The following WTIP variants were observed in gnomAD, a reference collection of about 807,000 sequenced individuals.
WTIP encodes the protein Wilms tumor protein 1-interacting protein.
A neutral mutation model predicts 41.7 loss-of-function variants in WTIP; 23 were observed. The ratio of observed to expected loss-of-function variants is 0.55; its 90% confidence interval spans 0.40 to 0.78. The LOEUF (loss-of-function observed/expected upper bound fraction) is 0.78, where lower values mean the gene tolerates loss of function less well. Among genes scored for constraint, WTIP ranks in the 30% least tolerant of loss-of-function variants. The probability of loss-of-function intolerance (pLI) is 0.00; values close to 1 mark genes in which losing one functional copy is unlikely to be tolerated. For missense variants in WTIP, 619 were observed against 610.5 expected (o/e 1.01, Z -0.15); for synonymous variants, 314 against 269.9 (o/e 1.16, Z -1.60).
intron 1 of WTIP, among the ~76,000 whole-genome samples, chr19:34,485,767 TTA>T (rs1246901447): frequency 2.0e-5 from 3 of 152,138 alleles, no homozygotes; most frequent in African/African-American, 7.2e-5. Context: ...CTACATTTTT[TTA>T]TGTTTTGTAG....
intron 7 of WTIP, among the ~76,000 whole-genome samples, chr19:34,496,137 A>G (rs1247400502): frequency 6.6e-6 from 1 of 152,140 alleles, no homozygotes; most frequent in African/African-American, 2.4e-5. Context: ...AGCCTGGGCA[A>G]CAAGAGTGAG....
In WTIP at chr19:34,502,154, A is replaced by C. The variant is rs2075890823; in HGVS notation, c.*1885A>C. 1 of 151,514 alleles carries C rather than the reference A, an allele frequency of 6.6e-6. No individual in the cohort carries two copies. Among genetic ancestry groups the C allele is most frequent in the African/African-American group, 2.4e-5 (1 of 41,088 alleles). 9.4% of individuals were successfully genotyped at this position (151,514 alleles called of 1,614,324 possible). A position where few individuals can be genotyped will look rare whatever the true frequency, so the allele number is the denominator to read the frequency against. On this transcript the variant is annotated 3_prime_UTR_variant, in exon 8 of 8. Transcript: ENST00000590071. Reference sequence around the variant, plus strand: ...TTTTTAGTAGAGATGGGGTTTCACCATGTTGGTCAGGCTGGTCTCCAACTG... The same window carrying C: ...TTTTTAGTAGAGATGGGGTTTCACCCTGTTGGTCAGGCTGGTCTCCAACTG...
rs527411808 is a variant in WTIP at position 34,509,831 on chromosome 19, C to G, written c.*9562C>G. On this transcript the variant is annotated 3_prime_UTR_variant, in exon 8 of 8. Coordinates refer to ENST00000590071, the MANE Select transcript of WTIP (RefSeq NM_001080436.2). ...GGCCAAAACAAAGGGGTTACAGGACCCATGCAAGTCCAAAATCCAGCGGGG... is the reference window on the plus strand; with the variant it reads ...GGCCAAAACAAAGGGGTTACAGGACGCATGCAAGTCCAAAATCCAGCGGGG... 33 of 152,246 alleles carry G rather than the reference C, an allele frequency of 2.2e-4. No homozygotes were observed. The highest frequency in any genetic ancestry group is 7.5e-4 in the African/African-American group (31 of 41,546). The allele number at this position is 152,246 out of a possible 1,614,324, so 9.4% of individuals were successfully genotyped here. A position where few individuals can be genotyped will look rare whatever the true frequency, so the allele number is the denominator to read the frequency against.
At position 34,495,714 on chromosome 19, in the gene WTIP, A is replaced by C. The variant is rs143060159; in HGVS notation, c.1095A>C (p.Thr365=). The stretch of plus-strand genomic sequence containing the variant: ...TTCTCTTCCTCCAGGGCTGCGAGAC[A>C]ACCATCCGTGTGGTGTCCATGGACA... ...RPILPAQGCE[T]TIRVVSMDRD... is the part of the protein sequence containing the mutation. The change falls in exon 7 of 8, where the codon ACA becomes ACC. Residue 365 remains threonine, a synonymous_variant. Coordinates refer to ENST00000590071, the MANE Select transcript of WTIP (RefSeq NM_001080436.2). 1,216 of 1,613,950 alleles carry C rather than the reference A, an allele frequency of 7.5e-4. 18 individuals are homozygous for C. In the African/African-American group the frequency reaches 0.013, roughly 17 times the overall value.
chr19:34,500,182 G>T lies in WTIP; in HGVS notation c.1206G>T (p.Ala402=). The change falls in exon 8 of 8, where the codon GCG becomes GCT. Residue 402 remains alanine (A), a synonymous_variant. Transcript: ENST00000590071. ...AGGGACGCCGTTGCTATCCCCTGGC[G>T]GGCCACCTACTGTGTCGTCGTTGCC... ...GEEGRRCYPL[A]GHLLCRRCHL... is the part of the protein sequence containing the mutation. The T allele has an allele frequency of 6.2e-7, 1 of 1,603,616 alleles. No homozygotes were observed. The highest frequency in any genetic ancestry group is 8.5e-7 in the Non-Finnish European group (1 of 1,179,756).
At chr19:34,490,590 C>T in intron 2 of WTIP, 113 bp downstream of exon 2, 3 of 1,145,214 alleles carry the variant, frequency 2.6e-6, no homozygotes, top group Non-Finnish European at 3.8e-6. Flanking sequence ...CTGGCTCTGG[C>T]CCAGGCTGGG....
At chr19:34,483,067 C>T (rs1173586300) in intron 1 of WTIP, among the ~76,000 whole-genome samples, 5 of 146,160 alleles carry the variant, frequency 3.4e-5, no homozygotes, top group African/African-American at 5.1e-5. Context: ...TGCAGCGGCG[C>T]GTCCTCGGCT....
At chr19:34,485,106 C>T (rs1433399411) in intron 1 of WTIP, among the ~76,000 whole-genome samples, 7 of 152,076 alleles carry the variant, frequency 4.6e-5, no homozygotes, top group South Asian at 2.1e-4. Context: ...TTTTTTGAGA[C>T]GGAGTCTTGC....
In WTIP at chr19:34,500,947, T is replaced by TGGGCCCCC. The variant is rs2145612588; in HGVS notation, c.*679_*686dup. ...GCTCCCTCTTCCAGGGCTCCTGGCT[T>TGGGCCCCC]GGGCCCCCCGACCCCCCTGCTCAGC... On this transcript the variant is annotated 3_prime_UTR_variant, in exon 8 of 8. Transcript: ENST00000590071. 6.6e-6 allele frequency: 1 copy of TGGGCCCCC among 152,660 alleles called. No homozygotes were observed. Among genetic ancestry groups the TGGGCCCCC allele is most frequent in the East Asian group, 1.9e-4 (1 of 5,158 alleles). 9.5% of individuals were successfully genotyped at this position (152,660 alleles called of 1,614,324 possible). A position where few individuals can be genotyped will look rare whatever the true frequency, so the allele number is the denominator to read the frequency against.
intron 1 of WTIP, among the ~76,000 whole-genome samples, chr19:34,488,419 G>A (rs368419022): frequency 6.6e-6 from 1 of 151,888 alleles, no homozygotes; most frequent in African/African-American, 2.4e-5. Flanking sequence ...AGGCCGGAGT[G>A]CAGTGACATG....
chr19:34,483,958 C>T (rs1057060256), intron 1 of WTIP, among the ~76,000 whole-genome samples: 2 of 126,250 alleles, frequency 1.6e-5, no homozygotes, highest in African/African-American at 3.0e-5. Context: ...GACGGAATCT[C>T]GCTCTGTCGC....
rs918319119 is a variant in WTIP, at chr19:34,493,413, G to A, written c.901-79G>A. 2.0e-5 allele frequency: 32 copies of A among 1,595,732 alleles called. No homozygotes were observed. The highest frequency in any genetic ancestry group is 8.5e-7 in the Non-Finnish European group (1 of 1,171,926). On this transcript the variant is annotated intron_variant, in intron 4 of 7. Coordinates refer to ENST00000590071, the MANE Select transcript of WTIP (RefSeq NM_001080436.2). This position sits in a 1 kb window ranked among gnomAD's most constrained non-coding sequence, Gnocchi z 4.1. ...GTCTCCCCTGCTCCAGACCTGCCAG[G>A]GGTTCAGGGCCAGAGCCTCTCCCAG... is the stretch of plus-strand genomic sequence containing the variant.
At chr19:34,495,443 TTGACAAACACG>T (rs2075847822) in intron 6 of WTIP, among the ~76,000 whole-genome samples, 1 of 152,010 alleles carries the variant, frequency 6.6e-6, no homozygotes, top group African/African-American at 2.4e-5. Flanking sequence ...TCCACATCCA[TTGACAAACACG>T]TGACACTCTT....
In WTIP at chr19:34,489,432, G is replaced by A. The variant is rs186747493; in HGVS notation, c.668-944G>A. Among the ~76,000 whole-genome samples, 427 of 151,918 alleles carry A rather than the reference G, an allele frequency of 2.8e-3. 3 individuals carry two copies. The highest frequency in any genetic ancestry group is 5.6e-3 in the Admixed American group (85 of 15,222). ...CTGGCATACAGAGGAGGACAGAGTG[G>A]GTACAGAGGAGGACAGAGTGGGTAC... On this transcript the variant is annotated intron_variant, in intron 1 of 7. Coordinates refer to ENST00000590071, the MANE Select transcript of WTIP (RefSeq NM_001080436.2).
Position 34,506,851 on chromosome 19 carries a change from C to T in WTIP, c.*6582C>T, listed in dbSNP as rs943624198. 1 of 152,238 alleles carries T rather than the reference C, an allele frequency of 6.6e-6. No homozygotes were observed. Among genetic ancestry groups the T allele is most frequent in the African/African-American group, 2.4e-5 (1 of 41,558 alleles). 9.4% of individuals were successfully genotyped at this position (152,238 alleles called of 1,614,324 possible). On this transcript the variant is annotated 3_prime_UTR_variant, in exon 8 of 8. Transcript: ENST00000590071. ...AGTCTCCCTGAAGTAGGTGCTCTTT[C>T]CCGTGAAAACTACTTTTTTGGTTTG...
Position 34,482,224 on chromosome 19 carries a change from C to G in WTIP, c.250C>G (p.Gln84Glu). The part of the protein sequence containing the change: ...RRAAVPELSA[Q>E]PAGSPRASLA... ...CGCGGCGGTTCCGGAGCTCAGCGCG[C>G]AGCCTGCGGGCAGCCCACGGGCCAG... The change falls in exon 1 of 8, where the codon CAG becomes GAG. Residue 84 changes from glutamine (Q) to glutamate (E), a missense_variant. Physicochemically the swap from Gln to Glu is conservative, Grantham distance 29. Transcript: ENST00000590071. 1 of 1,160,318 alleles carries G rather than the reference C, an allele frequency of 8.6e-7. No individual in the cohort carries two copies. The highest frequency in any genetic ancestry group is 1.1e-6 in the Non-Finnish European group (1 of 946,298). The allele number at this position is 1,160,318 out of a possible 1,614,324, so 71.9% of individuals were successfully genotyped here.
rs1191598478 is a variant in WTIP, at chr19:34,493,774, G to GTC, written c.1031+156_1031+157dup. Among the ~76,000 whole-genome samples the GTC allele has an allele frequency of 6.6e-6, 1 of 152,060 alleles. No individual in the cohort carries two copies. The highest frequency in any genetic ancestry group is 1.9e-4 in the East Asian group (1 of 5,186). ...ACACCTGGGCTTGGGGCAGGCATGTGTCTCTGCCTGCATCCCCTCTCCTGG... is the reference window on the plus strand; with the variant it reads ...ACACCTGGGCTTGGGGCAGGCATGTGTCTCTCTGCCTGCATCCCCTCTCCTGG... On this transcript the variant is annotated intron_variant, in intron 5 of 7. Coordinates refer to ENST00000590071, the MANE Select transcript of WTIP (RefSeq NM_001080436.2). The surrounding 1 kb of genome is among the most constrained non-coding windows in gnomAD (Gnocchi z 4.1).
chr19:34,488,814 G>A (rs1380125868), intron 1 of WTIP, among the ~76,000 whole-genome samples: 1 of 149,974 alleles, frequency 6.7e-6, no homozygotes, highest in African/African-American at 2.5e-5. Context: ...GAGGTGGGAG[G>A]ATTGCTTGAG....
chr19:34,490,613 C>CT, intron 2 of WTIP, 136 bp downstream of exon 2: 1 of 941,890 alleles, frequency 1.1e-6, no homozygotes, highest in Admixed American at 2.2e-5. Flanking sequence ...GTGGAGGACT[C>CT]TGTCTGGGGA....
Sources: allele counts gnomAD v4.1 joint callset (sites outside exome capture counted in the v4.1 genomes callset), GRCh38; gene constraint gnomAD v4.1.1; non-coding constraint Gnocchi (gnomAD v3.1); transcripts MANE v1.5; gene names NCBI Gene and HGNC (gene_info 2026-07-23, HGNC 2026-07-21).